Variants in MALRD1 observed in about 807,000 individuals in gnomAD.
MALRD1 encodes the protein MAM and LDL receptor class A domain containing 1.
In MALRD1, 247 loss-of-function variants were observed where a neutral mutation model predicts 242.1. The observed-to-expected ratio is 1.02, with a 90% CI of 0.92 to 1.13. The LOEUF is 1.13. MALRD1 is among the 50% of genes most tolerant of loss of function. MALRD1 has a pLI of 0.00. For missense variants in MALRD1, 2,989 were observed against 2,533.1 expected, an observed-to-expected ratio of 1.18 and a Z score of -3.86; for synonymous variants, 995 against 866.6, an observed-to-expected ratio of 1.15 and a Z score of -2.60.
At chr10:19,589,837 A>G (rs866427547) in intron 33 of MALRD1, among the ~76,000 whole-genome samples, 2 of 152,178 alleles carry the variant, frequency 1.3e-5, no homozygotes, top group African/African-American at 4.8e-5. Flanking sequence ...CTATCAACAC[A>G]GAATGTGCTA....
At chr10:19,376,191 AAAG>A (rs1489309460) in intron 26 of MALRD1, among the ~76,000 whole-genome samples, 1 of 152,228 alleles carries the variant, frequency 6.6e-6, no homozygotes, top group African/African-American at 2.4e-5. Context: ...TTCACTATTT[AAAG>A]AAGATCTTTC....
intron 38 of MALRD1, among the ~76,000 whole-genome samples, chr10:19,692,760 T>C (rs563201622): frequency 6.7e-6 from 1 of 149,020 alleles, no homozygotes; most frequent in Admixed American, 6.7e-5. Context: ...AGCCTGAAGT[T>C]TACTTTTCAG....
At chr10:19,136,340 T>G (rs1367826979) in intron 9 of MALRD1, among the ~76,000 whole-genome samples, 2 of 57,792 alleles carry the variant, frequency 3.5e-5, no homozygotes, top group Non-Finnish European at 8.5e-5. Flanking sequence ...TTTCCATCAG[T>G]TTTTTTTTTT....
intron 32 of MALRD1, among the ~76,000 whole-genome samples, chr10:19,559,156 C>G (rs1234286463): frequency 6.6e-6 from 1 of 151,810 alleles, no homozygotes; most frequent in Admixed American, 6.6e-5. Flanking sequence ...GCACTCCAGC[C>G]TGGGTGACAG....
chr10:19,130,004 A>G (rs1354859510), intron 8 of MALRD1, among the ~76,000 whole-genome samples: 2 of 151,750 alleles, frequency 1.3e-5, no homozygotes, highest in Non-Finnish European at 2.9e-5. Context: ...AAAGTAATAT[A>G]CATATGTATA....
At chr10:19,288,349 G>A (rs111462907) in intron 21 of MALRD1, among the ~76,000 whole-genome samples, 7 of 151,756 alleles carry the variant, frequency 4.6e-5, no homozygotes, top group South Asian at 2.1e-4. Flanking sequence ...CATTATTATC[G>A]ATGATAACAA....
intron 21 of MALRD1, among the ~76,000 whole-genome samples, chr10:19,300,857 G>A (rs1193865041): frequency 4.6e-5 from 7 of 152,062 alleles, no homozygotes; most frequent in African/African-American, 1.7e-4. Context: ...AAATTGACAA[G>A]TGAGACCTAA....
intron 4 of MALRD1, among the ~76,000 whole-genome samples, chr10:19,102,655 A>G (rs1206358356): frequency 7.4e-6 from 1 of 134,466 alleles, no homozygotes; most frequent in East Asian, 2.2e-4. Context: ...TCCATGAACA[A>G]AGCCTCTAAC....
chr10:19,239,334 T>C (rs1159564030), intron 18 of MALRD1, among the ~76,000 whole-genome samples: 2 of 152,112 alleles, frequency 1.3e-5, no homozygotes, highest in South Asian at 2.1e-4. Flanking sequence ...TTGCCCATTT[T>C]TAAATAAGTT....
In MALRD1 at chr10:19,123,541, C is replaced by A. The variant is rs963108378; in HGVS notation, c.744C>A (p.Cys248Ter). ...CATTGAATGCTGAGCGGGAGCTATGCCATCCAGATACAGATCTCTGCAGAT... is the reference window on the plus strand; with the variant it reads ...CATTGAATGCTGAGCGGGAGCTATGACATCCAGATACAGATCTCTGCAGAT... ...QEALNAEREL[C>*]HPDTDLCRFD... is the part of the protein sequence containing the mutation. Residue 248 changes from cysteine (C) to a stop codon, truncating the protein, a stop_gained, in exon 6 of 40, where the codon TGC becomes TGA. Coordinates refer to ENST00000454679, the MANE Select transcript of MALRD1 (RefSeq NM_001142308.3). LOFTEE classifies it high-confidence loss of function. The A allele has an allele frequency of 5.7e-6, 7 of 1,233,570 alleles. No homozygotes were observed. In the African/African-American group the frequency reaches 1.1e-4, roughly 19 times the overall value. 76.4% of individuals were successfully genotyped at this position (1,233,570 alleles called of 1,614,324 possible).
At chr10:19,495,050 CA>C (rs1837651536) in intron 30 of MALRD1, among the ~76,000 whole-genome samples, 1 of 151,262 alleles carries the variant, frequency 6.6e-6, no homozygotes, top group South Asian at 2.1e-4. Context: ...AATCTCAGCT[CA>C]CTGCAACCTC....
At chr10:19,345,987 G>T (rs1007082745) in intron 24 of MALRD1, among the ~76,000 whole-genome samples, 4 of 151,812 alleles carry the variant, frequency 2.6e-5, no homozygotes, top group African/African-American at 9.7e-5. Flanking sequence ...GTCTCACTTT[G>T]TTGGCCAGGA....
intron 19 of MALRD1, among the ~76,000 whole-genome samples, chr10:19,259,458 A>G (rs1839652900): frequency 6.6e-6 from 1 of 152,182 alleles, no homozygotes; most frequent in South Asian, 2.1e-4. Context: ...AAGGTGAAGG[A>G]GGAGCAAAGT....
intron 8 of MALRD1, among the ~76,000 whole-genome samples, chr10:19,131,475 A>C (rs1833103656): frequency 6.6e-6 from 1 of 152,188 alleles, no homozygotes; most frequent in African/African-American, 2.4e-5. Flanking sequence ...ATCTGCGTCC[A>C]TGATCTATAA....
At chr10:19,438,524 G>A (rs947651190) in intron 28 of MALRD1, among the ~76,000 whole-genome samples, 2 of 152,174 alleles carry the variant, frequency 1.3e-5, no homozygotes, top group Admixed American at 6.5e-5. Context: ...ACCCAGAAAC[G>A]TAATTGATGG....
At chr10:19,354,267 T>G (rs2131006013) in intron 26 of MALRD1, among the ~76,000 whole-genome samples, 1 of 152,260 alleles carries the variant, frequency 6.6e-6, no homozygotes. Context: ...ACCAGAGCTC[T>G]TTGAATATGA....
At position 19,595,268 on chromosome 10, in the gene MALRD1, C is replaced by G. The variant is rs61747175; in HGVS notation, c.5755C>G (p.Leu1919Val). ...SCIYTLQCVP[L>V]SGKCDGHEDC... Reference sequence around the variant, plus strand: ...TATCTACACACTCCAATGTGTCCCTCTCTCAGGGAAATGTGATGGACATGA... The same window carrying G: ...TATCTACACACTCCAATGTGTCCCTGTCTCAGGGAAATGTGATGGACATGA... The change falls in exon 34 of 40, where the codon CTC becomes GTC. Residue 1919 changes from leucine (L) to valine (V), a missense_variant. By Grantham distance (32) the Leu-to-Val change is conservative. Transcript: ENST00000454679. 3.3e-3 allele frequency: 5,152 copies of G among 1,550,626 alleles called. 146 individuals carry two copies. In the African/African-American group the frequency reaches 0.063, roughly 19 times the overall value.
chr10:19,221,894 A>C (rs1048378610), intron 18 of MALRD1, among the ~76,000 whole-genome samples: 1 of 150,926 alleles, frequency 6.6e-6, no homozygotes, highest in Admixed American at 6.6e-5. Flanking sequence ...GAAAGAAGGA[A>C]AAAGAGCGGA....
intron 38 of MALRD1, among the ~76,000 whole-genome samples, chr10:19,692,763 C>A (rs1036618595): frequency 2.0e-5 from 3 of 146,780 alleles, no homozygotes; most frequent in African/African-American, 7.5e-5. Flanking sequence ...CTGAAGTTTA[C>A]TTTTCAGATT....
Sources: allele counts gnomAD v4.1 joint callset (sites outside exome capture counted in the v4.1 genomes callset), GRCh38; gene constraint gnomAD v4.1.1; transcripts MANE v1.5; gene names NCBI Gene and HGNC (gene_info 2026-07-23, HGNC 2026-07-21).